The following MLLT3 variants were observed in gnomAD, a reference collection of about 807,000 sequenced individuals.
MLLT3 encodes MLLT3 super elongation complex subunit.
In MLLT3, 4 loss-of-function variants were observed where a neutral mutation model predicts 53.2. That is an observed-to-expected ratio of 0.08 (90% CI 0.04 to 0.17). The LOEUF (loss-of-function observed/expected upper bound fraction) is 0.17, where lower values mean the gene tolerates loss of function less well. Ranked by LOEUF, MLLT3 falls within the 10% of genes least tolerant of loss-of-function variation. The probability of loss-of-function intolerance (pLI) is 1.00; values close to 1 mark genes in which losing one functional copy is unlikely to be tolerated. For synonymous variants in MLLT3, 283 were observed against 230.6 expected (o/e 1.23, Z -2.06); for missense variants, 569 against 684.0 (o/e 0.83, Z 1.87).
chr9:20,490,736 G>A (rs939661714), intron 2 of MLLT3, among the ~76,000 whole-genome samples: 1 of 152,182 alleles, frequency 6.6e-6, no homozygotes, highest in South Asian at 2.1e-4. Flanking sequence ...AAATTAATGC[G>A]AGAACTTACC....
intron 5 of MLLT3, among the ~76,000 whole-genome samples, chr9:20,388,698 C>T (rs1266116083): frequency 6.6e-6 from 1 of 151,974 alleles, no homozygotes; most frequent in Non-Finnish European, 1.5e-5. Flanking sequence ...CACCATGATT[C>T]CAAAAGATGG....
intron 3 of MLLT3, among the ~76,000 whole-genome samples, chr9:20,451,117 T>A (rs565694450): frequency 3.0e-4 from 45 of 152,262 alleles, no homozygotes; most frequent in Admixed American, 1.1e-3. Context: ...ATACTGACTT[T>A]GAAAGGCATA....
intron 2 of MLLT3, among the ~76,000 whole-genome samples, chr9:20,460,876 G>A (rs1197128668): frequency 6.6e-6 from 1 of 152,158 alleles, no homozygotes; most frequent in African/African-American, 2.4e-5. Context: ...GAAAAGTGTT[G>A]CCACAGAGGA....
At chr9:20,599,304 CA>C (rs56820558) in intron 2 of MLLT3, among the ~76,000 whole-genome samples, 671 of 66,668 alleles carry the variant, frequency 0.01, 4 homozygotes, top group Middle Eastern at 0.032. Flanking sequence ...ACTCTGTCTC[CA>C]AAAAAAAAAA....
chr9:20,582,725 C>T (rs540017546), intron 2 of MLLT3, among the ~76,000 whole-genome samples: 146 of 152,226 alleles, frequency 9.6e-4, no homozygotes, highest in African/African-American at 3.5e-3. Flanking sequence ...AAGCAGAAAC[C>T]CCTGATAAAC....
intron 2 of MLLT3, among the ~76,000 whole-genome samples, chr9:20,598,191 A>G (rs938405925): frequency 1.3e-5 from 2 of 152,236 alleles, no homozygotes; most frequent in Admixed American, 1.3e-4. Flanking sequence ...TGTAGAAACC[A>G]AAAATGATAT....
intron 8 of MLLT3, among the ~76,000 whole-genome samples, chr9:20,357,031 C>T (rs976403754): frequency 1.3e-5 from 2 of 152,178 alleles, no homozygotes; most frequent in Non-Finnish European, 2.9e-5. Context: ...CTGCTGAAGA[C>T]AATTGTTTTA....
At position 20,448,367 on chromosome 9, in the gene MLLT3, G is replaced by T. The variant is rs1823757854; in HGVS notation, c.277-101C>A. 9.6e-7 allele frequency: 1 copy of T among 1,041,632 alleles called. No individual in the cohort carries two copies. Among genetic ancestry groups the T allele is most frequent in the Non-Finnish European group, 1.4e-6 (1 of 717,660 alleles). The allele number at this position is 1,041,632 out of a possible 1,614,324, so 64.5% of individuals were successfully genotyped here. A position where few individuals can be genotyped will look rare whatever the true frequency, so the allele number is the denominator to read the frequency against. On this transcript the variant is annotated intron_variant, in intron 3 of 10. Coordinates refer to ENST00000380338, the MANE Select transcript of MLLT3 (RefSeq NM_004529.4). This position sits in a 1 kb window ranked among gnomAD's most constrained non-coding sequence, Gnocchi z 4.0. ...CTCATAAGAAATAGAAAAGAACTAA[G>T]ACATCTAACAGCTAAACTGTCAAAG...
chr9:20,400,589 A>C (rs1822430289), intron 5 of MLLT3, among the ~76,000 whole-genome samples: 1 of 152,138 alleles, frequency 6.6e-6, no homozygotes, highest in Non-Finnish European at 1.5e-5. Flanking sequence ...TAAAAATCAT[A>C]CCAGGCTAGG....
chr9:20,530,033 T>C (rs748275910), intron 2 of MLLT3, among the ~76,000 whole-genome samples: 10 of 152,242 alleles, frequency 6.6e-5, no homozygotes, highest in Non-Finnish European at 5.9e-5. Context: ...CAGTTGATTC[T>C]ATTTTGAAAT....
intron 2 of MLLT3, among the ~76,000 whole-genome samples, chr9:20,477,236 T>G (rs1239512205): frequency 6.6e-6 from 1 of 152,184 alleles, no homozygotes; most frequent in Non-Finnish European, 1.5e-5. Flanking sequence ...GAAAAAGTGT[T>G]GACTTTAAGG....
intron 2 of MLLT3, among the ~76,000 whole-genome samples, chr9:20,481,352 C>A (rs983108975): frequency 5.3e-5 from 8 of 152,178 alleles, no homozygotes; most frequent in African/African-American, 1.9e-4. Context: ...CTATTTTCCT[C>A]AGGAACCTGA....
In MLLT3 at chr9:20,513,623, T is replaced by C. The variant is rs144903919; in HGVS notation, c.194-56837A>G. Among the ~76,000 whole-genome samples the C allele has an allele frequency of 1.2e-3, 190 of 152,260 alleles. 1 individual carries two copies. The East Asian group carries it at 0.032, about 26-fold the overall frequency. ...GAGTCACACTGTGAATGAGAGTGGC[T>C]ACCGTGGCGTATCTGCAGCAGTCCA... On this transcript the variant is annotated intron_variant, in intron 2 of 10. Coordinates refer to ENST00000380338, the MANE Select transcript of MLLT3 (RefSeq NM_004529.4).
intron 2 of MLLT3, among the ~76,000 whole-genome samples, chr9:20,574,866 C>G (rs184073511): frequency 6.6e-6 from 1 of 152,318 alleles, no homozygotes; most frequent in African/African-American, 2.4e-5. Flanking sequence ...TCATTCAAAG[C>G]TGAAGTCAAT....
intron 2 of MLLT3, among the ~76,000 whole-genome samples, chr9:20,619,584 C>A (rs555068643): frequency 6.6e-6 from 1 of 152,216 alleles, no homozygotes; most frequent in Non-Finnish European, 1.5e-5. Context: ...AAGATAACTA[C>A]TAACCATTGT....
intron 2 of MLLT3, among the ~76,000 whole-genome samples, chr9:20,606,102 G>A (rs1004399867): frequency 4.6e-5 from 7 of 152,000 alleles, no homozygotes; most frequent in Non-Finnish European, 1.0e-4. Context: ...ATTCAATAAC[G>A]TAAAACTATC....
intron 2 of MLLT3, among the ~76,000 whole-genome samples, chr9:20,591,541 T>C (rs1820129713): frequency 6.6e-6 from 1 of 152,124 alleles, no homozygotes; most frequent in African/African-American, 2.4e-5. Flanking sequence ...TGATTATGAG[T>C]AGTGAACACC....
At chr9:20,363,384 G>A in intron 7 of MLLT3, 92 bp downstream of exon 7, 1 of 1,489,764 alleles carries the variant, frequency 6.7e-7, no homozygotes, top group Non-Finnish European at 9.0e-7. Context: ...GCCGTTTTTG[G>A]TGTTTCACAC....
chr9:20,356,904 C>G (rs1002412165), intron 8 of MLLT3, among the ~76,000 whole-genome samples: 4 of 152,202 alleles, frequency 2.6e-5, no homozygotes, highest in African/African-American at 9.6e-5. Flanking sequence ...TGTCAGTGAC[C>G]CGCCTCAAGT....
Sources: gnomAD v4.1 joint callset for allele counts (sites outside exome capture counted in the v4.1 genomes callset) on GRCh38, gnomAD v4.1.1 for gene constraint, Gnocchi (gnomAD v3.1) non-coding constraint, MANE v1.5 for transcripts, NCBI Gene and HGNC (gene_info 2026-07-23, HGNC 2026-07-21) for gene names.